The following CACNA1G variants were observed in gnomAD, a reference collection of about 807,000 sequenced individuals.
The protein encoded by CACNA1G is calcium voltage-gated channel subunit alpha1 G, also known as voltage-dependent T-type calcium channel subunit alpha-1G.
CACNA1G carries 67 observed loss-of-function variants against 219.4 expected under a neutral mutation model. The ratio of observed to expected loss-of-function variants is 0.31; its 90% CI spans 0.25 to 0.37. CACNA1G has a LOEUF of 0.37. Ranked by LOEUF, CACNA1G falls within the 10% of genes least tolerant of loss-of-function variation. The probability of loss-of-function intolerance (pLI) is 1.00; values close to 1 mark genes in which losing one functional copy is unlikely to be tolerated. For missense variants in CACNA1G, 2,380 were observed against 3,231.4 expected (o/e 0.74, Z 6.39); for synonymous variants, 1,296 against 1,345.3 (o/e 0.96, Z 0.80).
chr17:50,613,975 G>A (rs1284842011), intron 26 of CACNA1G, among the ~76,000 whole-genome samples: 2 of 152,318 alleles, frequency 1.3e-5, no homozygotes, highest in African/African-American at 4.8e-5. Context: ...ACAGGAAGAT[G>A]GCCTCATGCA....
chr17:50,609,950 G>T lies in CACNA1G; in HGVS notation c.4759+15G>T, dbSNP rs1259207326. 2 of 1,607,810 alleles carry T rather than the reference G, an allele frequency of 1.2e-6. No individual in the cohort carries two copies. Among genetic ancestry groups the T allele is most frequent in the East Asian group, 2.2e-5 (1 of 44,874 alleles). On this transcript the variant is annotated intron_variant, in intron 26 of 37. Transcript: ENST00000359106. ...CGCTGCGTCAGGTACTGCGTCTGGG[G>T]TGTGGGCTCATGCGTGTGGGGACAT... is the stretch of plus-strand genomic sequence containing the variant.
chr17:50,594,603 G>A (rs562044788), intron 13 of CACNA1G, among the ~76,000 whole-genome samples: 4 of 152,234 alleles, frequency 2.6e-5, no homozygotes, highest in East Asian at 3.9e-4. Context: ...TCCAAATCTC[G>A]GGTTTCTCTT....
intron 9 of CACNA1G, among the ~76,000 whole-genome samples, chr17:50,584,593 G>A (rs2042627107): frequency 6.7e-6 from 1 of 149,068 alleles, no homozygotes; most frequent in Admixed American, 6.7e-5. Context: ...GCCCAGGGGA[G>A]CCGGGGGCGG....
chr17:50,569,830 C>G, intron 4 of CACNA1G, 27 bp downstream of exon 4: 1 of 1,504,224 alleles, frequency 6.6e-7, no homozygotes, highest in Non-Finnish European at 9.0e-7. Context: ...CCCTCAGCCC[C>G]TGAAGAGAGC....
chr17:50,599,173 G>A (rs966223290), intron 16 of CACNA1G, among the ~76,000 whole-genome samples: 1 of 152,204 alleles, frequency 6.6e-6, no homozygotes, highest in African/African-American at 2.4e-5. Context: ...CCAAATAAAT[G>A]AGGAATGAGC....
In CACNA1G at chr17:50,575,759, C is replaced by A; in HGVS notation, c.1357C>A (p.Gln453Lys). The A allele has an allele frequency of 6.4e-7, 1 of 1,564,362 alleles. No homozygotes were observed. Among genetic ancestry groups the A allele is most frequent in the Non-Finnish European group, 8.7e-7 (1 of 1,154,780 alleles). The change falls in exon 8 of 38, where the codon CAG (glutamine) becomes AAG (lysine). Residue 453 changes from glutamine (Q) to lysine (K), a missense_variant. This residue lies in a region of CACNA1G where 434 missense variants were observed against 417.3 expected (regional missense o/e 1.04). Coordinates refer to ENST00000359106, the MANE Select transcript of CACNA1G (RefSeq NM_018896.5). ...TCGTAAGGCAGCCCGCAGGCTGGCT[C>A]AGGTCTCTCGGGCAGCAGGTGTGCG... is the stretch of plus-strand genomic sequence containing the variant. ...ILRKAARRLAQVSRAAGVRVG... is the reference protein window; with the variant it reads ...ILRKAARRLAKVSRAAGVRVG...
At chr17:50,595,708 G>C (rs1273353477) in intron 14 of CACNA1G, among the ~76,000 whole-genome samples, 5 of 152,262 alleles carry the variant, frequency 3.3e-5, no homozygotes, top group Admixed American at 6.5e-5. Flanking sequence ...CCCTGCCCCA[G>C]CACCAGAATT....
intron 26 of CACNA1G, among the ~76,000 whole-genome samples, chr17:50,610,585 T>G (rs1443779010): frequency 6.6e-6 from 1 of 151,966 alleles, no homozygotes; most frequent in African/African-American, 2.4e-5. Context: ...GGTCCCCTGC[T>G]CTCCTCTCCC....
At chr17:50,574,932 G>A (rs936558731) in intron 7 of CACNA1G, among the ~76,000 whole-genome samples, 2 of 152,074 alleles carry the variant, frequency 1.3e-5, no homozygotes, top group Non-Finnish European at 2.9e-5. Context: ...ATCTGAGGGA[G>A]GGGGGCACAG....
At chr17:50,561,948 G>C (rs1330755132) in intron 1 of CACNA1G, 2 of 320,488 alleles carry the variant, frequency 6.2e-6, no homozygotes, top group Admixed American at 4.4e-5. Context: ...CTGGGTTGGG[G>C]GGGTGGGGAT....
At chr17:50,604,332 T>C in intron 22 of CACNA1G, 51 bp downstream of exon 22, 1 of 1,598,460 alleles carries the variant, frequency 6.3e-7, no homozygotes, top group Non-Finnish European at 8.6e-7. Flanking sequence ...AAGAGGGCCC[T>C]TCCCCTTGGC....
intron 25 of CACNA1G, among the ~76,000 whole-genome samples, chr17:50,608,859 C>G (rs531380511): frequency 1.7e-4 from 26 of 152,316 alleles, no homozygotes; most frequent in African/African-American, 6.3e-4. Flanking sequence ...CCCTCTCTCC[C>G]GGGCTCCAGG....
chr17:50,626,802 G>A lies in CACNA1G; in HGVS notation c.*51G>A, dbSNP rs1218048536. ...TTTCTCCACTGGGTGCCAAGTCCTA[G>A]CTCCTCCTCCTGGGCTATATTCCTG... On this transcript the variant is annotated 3_prime_UTR_variant, in exon 38 of 38. Transcript: ENST00000359106. The surrounding 1 kb of genome is among the most constrained non-coding windows in gnomAD (Gnocchi z 4.3). 6.2e-7 allele frequency: 1 copy of A among 1,611,290 alleles called. No homozygotes were observed. Among genetic ancestry groups the A allele is most frequent in the Non-Finnish European group, 8.5e-7 (1 of 1,178,716 alleles).
intron 9 of CACNA1G, among the ~76,000 whole-genome samples, chr17:50,580,293 C>T (rs1043664172): frequency 2.6e-5 from 4 of 152,068 alleles, no homozygotes; most frequent in Non-Finnish European, 5.9e-5. Flanking sequence ...TTTCTGCTTC[C>T]GGGACCCAGG....
At chr17:50,624,789 T>C (rs2053245430) in intron 37 of CACNA1G, among the ~76,000 whole-genome samples, 1 of 152,170 alleles carries the variant, frequency 6.6e-6, no homozygotes, top group Non-Finnish European at 1.5e-5. Flanking sequence ...GGGTCATGCC[T>C]ATCTGGTCGG....
chr17:50,624,335 C>CCCCG, intron 36 of CACNA1G, 25 bp from the exon 37 acceptor site: 5 of 1,366,008 alleles, frequency 3.7e-6, no homozygotes, highest in Non-Finnish European at 5.1e-6. Context: ...CCCCCCACCC[C>CCCCG]TCCCCCGCTT....
At chr17:50,602,716 T>G (rs1259924634) in intron 19 of CACNA1G, 104 bp from the exon 20 acceptor site, 2 of 992,838 alleles carry the variant, frequency 2.0e-6, no homozygotes, top group South Asian at 2.7e-5. Context: ...GGTCGTTTTC[T>G]GAGTCAAATG....
Position 50,621,806 on chromosome 17 carries a change from C to T in CACNA1G, c.6060+12C>T. 1.2e-6 allele frequency: 2 copies of T among 1,612,972 alleles called. No individual in the cohort carries two copies. Among genetic ancestry groups the T allele is most frequent in the Non-Finnish European group, 1.7e-6 (2 of 1,179,692 alleles). On this transcript the variant is annotated intron_variant, in intron 35 of 37. Coordinates refer to ENST00000359106, the MANE Select transcript of CACNA1G (RefSeq NM_018896.5). This position sits in a 1 kb window ranked among gnomAD's most constrained non-coding sequence, Gnocchi z 4.6. ...CCCTGGAGAGCAATGTACATACACACTGCCCTCACTGCTCCCGGCCACCCC... is the reference window on the plus strand; with the variant it reads ...CCCTGGAGAGCAATGTACATACACATTGCCCTCACTGCTCCCGGCCACCCC...
rs183159593 is a variant in CACNA1G, at chr17:50,622,622, C to A, written c.6060+828C>A. Among the ~76,000 whole-genome samples the A allele has an allele frequency of 7.2e-5, 11 of 152,316 alleles. No individual in the cohort carries two copies. The East Asian group carries it at 2.1e-3, about 29-fold the overall frequency. ...GGGGCTATTTAACTGGCTGGGCCTG[C>A]ATGGCGACAGGGCCCCTACAGCCTC... On this transcript the variant is annotated intron_variant, in intron 35 of 37. Coordinates refer to ENST00000359106, the MANE Select transcript of CACNA1G (RefSeq NM_018896.5).
Sources: gnomAD v4.1 joint callset for allele counts (sites outside exome capture counted in the v4.1 genomes callset) on GRCh38, gnomAD v4.1.1 for gene constraint, gnomAD v4.1.1 regional missense constraint, Gnocchi (gnomAD v3.1) non-coding constraint, MANE v1.5 for transcripts, NCBI Gene and HGNC (gene_info 2026-07-23, HGNC 2026-07-21) for gene names.